Variants in STYXL2 observed in about 807,000 individuals in gnomAD.
The protein encoded by STYXL2 is serine/threonine/tyrosine-interacting-like protein 2.
A neutral mutation model predicts 52.4 loss-of-function variants in STYXL2; 44 were observed. The ratio of observed to expected loss-of-function variants is 0.84; its 90% CI spans 0.66 to 1.08. The LOEUF is 1.08. STYXL2 is among the 50% of genes least tolerant of loss of function. The pLI is 0.00. For synonymous variants in STYXL2, 604 were observed against 586.9 expected (o/e 1.03, Z -0.42); for missense variants, 1,604 against 1,471.7 (o/e 1.09, Z -1.47).
chr1:167,106,172 G>C lies in STYXL2; in HGVS notation c.111-7538G>C, dbSNP rs1178254626. On this transcript the variant is annotated intron_variant, in intron 2 of 5. Coordinates refer to ENST00000361200, the MANE Select transcript of STYXL2 (RefSeq NM_001080426.3). Reference sequence around the variant, plus strand: ...CAAATCCTCACAATTTAAAGTCAACGTTATTTAGGGAAAGTGGCAGGATGG... The same window carrying C: ...CAAATCCTCACAATTTAAAGTCAACCTTATTTAGGGAAAGTGGCAGGATGG... Among the ~76,000 whole-genome samples the C allele has an allele frequency of 2.6e-5, 4 of 152,160 alleles. No individual in the cohort carries two copies. The South Asian group carries it at 8.3e-4, about 32-fold the overall frequency.
rs1351660661 is a variant in STYXL2 at position 167,126,309 on chromosome 1, T to C, written c.1178T>C (p.Ile393Thr). The change falls in exon 6 of 6, where the codon ATC becomes ACC. Residue 393 changes from isoleucine (I) to threonine (T), a missense_variant. By Grantham distance (89) the Ile-to-Thr change is moderately conservative. Coordinates refer to ENST00000361200, the MANE Select transcript of STYXL2 (RefSeq NM_001080426.3). The part of the protein sequence containing the change: ...ELEDEDVERI[I>T]QEWQSRNERY... ...GAGGACGAGGACGTGGAGAGGATCA[T>C]CCAGGAGTGGCAGAGCCGAAACGAG... The C allele has an allele frequency of 1.3e-6, 2 of 1,523,266 alleles. No homozygotes were observed. Among genetic ancestry groups the C allele is most frequent in the East Asian group, 2.4e-5 (1 of 41,772 alleles). The allele number at this position is 1,523,266 out of a possible 1,614,324, so 94.4% of individuals were successfully genotyped here.
Position 167,127,761 on chromosome 1 carries a change from A to T in STYXL2, c.2630A>T (p.Asp877Val). 3.7e-6 allele frequency: 6 copies of T among 1,613,972 alleles called. No homozygotes were observed. The highest frequency in any genetic ancestry group is 1.1e-5 in the South Asian group (1 of 91,066). ...SLFKKKKVKE[D>V]EDDGVGDGDE... ...TTCAAGAAGAAGAAGGTCAAGGAAG[A>T]TGAGGATGATGGTGTGGGTGATGGG... The change falls in exon 6 of 6, where the codon GAT (aspartate) becomes GTT (valine). Residue 877 changes from aspartate to valine, a missense_variant. Coordinates refer to ENST00000361200, the MANE Select transcript of STYXL2 (RefSeq NM_001080426.3).
In STYXL2 at chr1:167,111,509, T is replaced by C. The variant is rs1416939108; in HGVS notation, c.111-2201T>C. On this transcript the variant is annotated intron_variant, in intron 2 of 5. Coordinates refer to ENST00000361200, the MANE Select transcript of STYXL2 (RefSeq NM_001080426.3). ...ATATATATATATATATATATATATA[T>C]ATATACACACACACACACACAAATA... Among the ~76,000 whole-genome samples the C allele has an allele frequency of 1.6e-3, 78 of 48,420 alleles. 1 individual carries two copies. Among genetic ancestry groups the C allele is most frequent in the African/African-American group, 2.8e-3 (17 of 6,098 alleles). 31.8% of individuals were successfully genotyped at this position (48,420 alleles called of 152,430 possible).
chr1:167,127,514 A>G lies in STYXL2; in HGVS notation c.2383A>G (p.Met795Val), dbSNP rs751440284. ...PQSQARPSSD[M>V]QSVLSCNTTL... ...GAGCCAGGCAAGACCCAGCTCTGACATGCAGTCTGTGCTGTCCTGCAACAC... is the reference window on the plus strand; with the variant it reads ...GAGCCAGGCAAGACCCAGCTCTGACGTGCAGTCTGTGCTGTCCTGCAACAC... Residue 795 changes from methionine (M) to valine (V), a missense_variant, in exon 6 of 6, where the codon ATG becomes GTG. Met to Val is a conservative substitution (Grantham distance 21). Transcript: ENST00000361200. The G allele has an allele frequency of 6.2e-7, 1 of 1,614,018 alleles. No individual in the cohort carries two copies. The highest frequency in any genetic ancestry group is 2.2e-5 in the East Asian group (1 of 44,890).
rs769128162 is a variant in STYXL2 at position 167,128,293 on chromosome 1, C to T, written c.3162C>T (p.Ser1054=). Residue 1054 remains serine (S), a synonymous_variant, in exon 6 of 6, where the codon TCC becomes TCT. Transcript: ENST00000361200. ...CAGAGTCCTCAGAAAGGGAAGAGTCCCCAGAACCACAGCGCCCAAATTGGG... is the reference window on the plus strand; with the variant it reads ...CAGAGTCCTCAGAAAGGGAAGAGTCTCCAGAACCACAGCGCCCAAATTGGG... ...RTPESSEREE[S]PEPQRPNWAR... 9 of 1,613,840 alleles carry T rather than the reference C, an allele frequency of 5.6e-6. No individual in the cohort carries two copies. The highest frequency in any genetic ancestry group is 4.2e-6 in the Non-Finnish European group (5 of 1,179,916).
rs754443154 is a variant in STYXL2, at chr1:167,126,476, T to A, written c.1345T>A (p.Trp449Arg). Residue 449 changes from tryptophan to arginine, a missense_variant, in exon 6 of 6, where the codon TGG becomes AGG. Coordinates refer to ENST00000361200, the MANE Select transcript of STYXL2 (RefSeq NM_001080426.3). Reference protein sequence around the residue: ...AWESVSSHDIWVLKQQLELNR... With the variant: ...AWESVSSHDIRVLKQQLELNR... Reference sequence around the variant, plus strand: ...GGAGAGCGTGAGCAGCCACGACATCTGGGTCCTGAAGCAGCAGCTGGAGCT... The same window carrying A: ...GGAGAGCGTGAGCAGCCACGACATCAGGGTCCTGAAGCAGCAGCTGGAGCT... 44 of 1,603,166 alleles carry A rather than the reference T, an allele frequency of 2.7e-5. No homozygotes were observed. Among genetic ancestry groups the A allele is most frequent in the Non-Finnish European group, 3.7e-5 (44 of 1,175,120 alleles).
Position 167,126,466 on chromosome 1 carries a change from C to T in STYXL2, c.1335C>T (p.Ser445=). Residue 445 remains serine (S), a synonymous_variant, in exon 6 of 6, where the codon AGC becomes AGT. Coordinates refer to ENST00000361200, the MANE Select transcript of STYXL2 (RefSeq NM_001080426.3). ...SESSAWESVS[S]HDIWVLKQQL... is the part of the protein sequence containing the mutation. Reference sequence around the variant, plus strand: ...GCAGCGCCTGGGAGAGCGTGAGCAGCCACGACATCTGGGTCCTGAAGCAGC... The same window carrying T: ...GCAGCGCCTGGGAGAGCGTGAGCAGTCACGACATCTGGGTCCTGAAGCAGC... 1 of 1,596,218 alleles carries T rather than the reference C, an allele frequency of 6.3e-7. No individual in the cohort carries two copies. The highest frequency in any genetic ancestry group is 8.5e-7 in the Non-Finnish European group (1 of 1,171,674).
rs1286343863 is a variant in STYXL2 at position 167,117,358 on chromosome 1, C to T, written c.236C>T (p.Ala79Val). Residue 79 changes from alanine (A) to valine (V), a missense_variant, in exon 4 of 6, where the codon GCA becomes GTA. Transcript: ENST00000361200. ...AAGCCACCGGGGGTCAGAGCAGACGCAGAGTGTCCAGGCATGCTGGAGTCT... is the reference window on the plus strand; with the variant it reads ...AAGCCACCGGGGGTCAGAGCAGACGTAGAGTGTCCAGGCATGCTGGAGTCT... The part of the protein sequence containing the change: ...ELKPPGVRAD[A>V]ECPGMLESAE... 1 of 1,611,410 alleles carries T rather than the reference C, an allele frequency of 6.2e-7. No individual in the cohort carries two copies. Among genetic ancestry groups the T allele is most frequent in the Non-Finnish European group, 8.5e-7 (1 of 1,178,868 alleles).
At chr1:167,111,513 T>TACACAC (rs767623370) in intron 2 of STYXL2, among the ~76,000 whole-genome samples, 558 of 49,918 alleles carry the variant, frequency 0.011, 7 homozygotes, top group African/African-American at 0.012. Flanking sequence ...TATATATATA[T>TACACAC]ACACACACAC....
intron 3 of STYXL2, 61 bp from the exon 4 acceptor site, chr1:167,117,267 G>A (rs191078675): frequency 1.4e-6 from 2 of 1,439,606 alleles, no homozygotes; most frequent in East Asian, 2.5e-5. Flanking sequence ...GTTCTCCCCA[G>A]GAACAAGGAA....
At chr1:167,098,750 A>G (rs1187213705) in intron 2 of STYXL2, among the ~76,000 whole-genome samples, 2 of 152,096 alleles carry the variant, frequency 1.3e-5, no homozygotes, top group Non-Finnish European at 2.9e-5. Flanking sequence ...TTATGTTGAA[A>G]TTTACCTGGG....
chr1:167,100,217 C>G (rs1297527360), intron 2 of STYXL2, among the ~76,000 whole-genome samples: 1 of 152,172 alleles, frequency 6.6e-6, no homozygotes. Flanking sequence ...TAATCCAGTC[C>G]CCCAAGAGCA....
chr1:167,121,663 C>G (rs1182868161), intron 5 of STYXL2, among the ~76,000 whole-genome samples: 1 of 152,214 alleles, frequency 6.6e-6, no homozygotes, highest in African/African-American at 2.4e-5. Context: ...TTTCCTGTCG[C>G]GGGTGTAACC....
At position 167,127,526 on chromosome 1, in the gene STYXL2, C is replaced by A. The variant is rs148873336; in HGVS notation, c.2395C>A (p.Leu799Met). The A allele has an allele frequency of 2.1e-5, 34 of 1,614,000 alleles. No homozygotes were observed. The highest frequency in any genetic ancestry group is 2.8e-5 in the Non-Finnish European group (33 of 1,180,028). ...ARPSSDMQSVLSCNTTLSSPA... is the reference protein window; with the variant it reads ...ARPSSDMQSVMSCNTTLSSPA... ...ACCCAGCTCTGACATGCAGTCTGTGCTGTCCTGCAACACCACACTGAGCTC... is the reference window on the plus strand; with the variant it reads ...ACCCAGCTCTGACATGCAGTCTGTGATGTCCTGCAACACCACACTGAGCTC... The change falls in exon 6 of 6, where the codon CTG becomes ATG. Residue 799 changes from leucine (L) to methionine (M), a missense_variant. Transcript: ENST00000361200.
chr1:167,096,881 C>A (rs1667295198), intron 2 of STYXL2, among the ~76,000 whole-genome samples: 1 of 152,212 alleles, frequency 6.6e-6, no homozygotes, highest in Non-Finnish European at 1.5e-5. Context: ...CACTTACCAA[C>A]TGCTGCATAT....
At chr1:167,114,325 A>G (rs1335324522) in intron 3 of STYXL2, among the ~76,000 whole-genome samples, 1 of 152,250 alleles carries the variant, frequency 6.6e-6, no homozygotes, top group Non-Finnish European at 1.5e-5. Flanking sequence ...TTTTTCACTC[A>G]AAGATACTTA....
At position 167,117,397 on chromosome 1, in the gene STYXL2, T is replaced by C. The variant is rs1458922970; in HGVS notation, c.275T>C (p.Leu92Pro). 6.2e-7 allele frequency: 1 copy of C among 1,612,906 alleles called. No homozygotes were observed. Among genetic ancestry groups the C allele is most frequent in the South Asian group, 1.1e-5 (1 of 90,654 alleles). The change falls in exon 4 of 6, where the codon CTG becomes CCG. Residue 92 changes from leucine (L) to proline (P), a missense_variant. Transcript: ENST00000361200. ...ATGCTGGAGTCTGCTGAACAGCTGC[T>C]GGTGGAGGACCTGTACAACCGCGTC... ...PGMLESAEQL[L>P]VEDLYNRVRE...
At position 167,094,973 on chromosome 1, in the gene STYXL2, T is replaced by A. The variant is rs779058602; in HGVS notation, c.110+14T>A. On this transcript the variant is annotated intron_variant, in intron 2 of 5. Transcript: ENST00000361200. ...CTCCCCTAGCCAGTAAGTGACCACT[T>A]ATCTCCCACCCTCACAGCCCCAGCT... 3.8e-6 allele frequency: 6 copies of A among 1,578,050 alleles called. No individual in the cohort carries two copies. Among genetic ancestry groups the A allele is most frequent in the Non-Finnish European group, 5.2e-6 (6 of 1,158,422 alleles).
Position 167,126,602 on chromosome 1 carries a change from G to A in STYXL2, c.1471G>A (p.Ala491Thr). ...NERLLEIEKE[A>T]SRRYHAKSKR... ...GAGGCTGCTGGAGATTGAGAAGGAGGCTTCCCGGAGGTACCACGCCAAGAG... is the reference window on the plus strand; with the variant it reads ...GAGGCTGCTGGAGATTGAGAAGGAGACTTCCCGGAGGTACCACGCCAAGAG... The change falls in exon 6 of 6, where the codon GCT becomes ACT. Residue 491 changes from alanine to threonine, a missense_variant. By Grantham distance (58) the Ala-to-Thr change is moderately conservative (BLOSUM62 0). Coordinates refer to ENST00000361200, the MANE Select transcript of STYXL2 (RefSeq NM_001080426.3). 1 of 1,614,032 alleles carries A rather than the reference G, an allele frequency of 6.2e-7. No homozygotes were observed. Among genetic ancestry groups the A allele is most frequent in the Middle Eastern group, 1.7e-4 (1 of 6,052 alleles).
Sources: gnomAD v4.1 joint callset for allele counts (sites outside exome capture counted in the v4.1 genomes callset) on GRCh38, gnomAD v4.1.1 for gene constraint, MANE v1.5 for transcripts, NCBI Gene and HGNC (gene_info 2026-07-23, HGNC 2026-07-21) for gene names.